Variants in PRKAR1B observed in about 807,000 individuals in gnomAD.
The protein encoded by PRKAR1B is cAMP-dependent protein kinase type I-beta regulatory subunit.
In PRKAR1B, 22 loss-of-function variants were observed where a neutral mutation model predicts 46.5. The observed-to-expected ratio is 0.47, with a 90% CI of 0.34 to 0.68. The LOEUF (loss-of-function observed/expected upper bound fraction) is 0.68. PRKAR1B is among the 30% of genes least tolerant of loss of function. The pLI is 0.01. For synonymous variants in PRKAR1B, 259 were observed against 217.7 expected (o/e 1.19, Z -1.67); for missense variants, 445 against 535.6 (o/e 0.83, Z 1.67).
chr7:588,063 G>A (rs1017157666), intron 7 of PRKAR1B, among the ~76,000 whole-genome samples: 4 of 152,162 alleles, frequency 2.6e-5, no homozygotes, highest in African/African-American at 7.2e-5. Context: ...TTCCGGTAGC[G>A]TGGCCCTCCC....
At chr7:571,448 G>A (rs535285254) in intron 9 of PRKAR1B, among the ~76,000 whole-genome samples, 3 of 152,240 alleles carry the variant, frequency 2.0e-5, no homozygotes, top group Non-Finnish European at 4.4e-5. Flanking sequence ...GCGGGGCTCT[G>A]ATGAGCCAGG....
intron 6 of PRKAR1B, among the ~76,000 whole-genome samples, chr7:597,555 G>A (rs143545046): frequency 0.023 from 3,429 of 152,300 alleles, 114 homozygotes; most frequent in African/African-American, 0.076. Flanking sequence ...GAAGACGGCC[G>A]TCCTTCCACG....
chr7:684,534 C>A lies in PRKAR1B; in HGVS notation c.178-3808G>T, dbSNP rs140786009. On this transcript the variant is annotated intron_variant, in intron 2 of 10. Coordinates refer to ENST00000537384, the MANE Select transcript of PRKAR1B (RefSeq NM_001164760.2). ...TGGAATTTGACATTCAGACGAAGTACGCAGCAGCCCGGGGTATGTGAAGCA... is the reference window on the plus strand; with the variant it reads ...TGGAATTTGACATTCAGACGAAGTAAGCAGCAGCCCGGGGTATGTGAAGCA... Among the ~76,000 whole-genome samples the A allele has an allele frequency of 1.7e-3, 256 of 152,264 alleles. 1 individual carries two copies. The highest frequency in any genetic ancestry group is 5.9e-3 in the African/African-American group (244 of 41,556).
chr7:550,179 T>G lies in PRKAR1B; in HGVS notation c.*251A>C. The G allele has an allele frequency of 2.1e-6, 1 of 483,602 alleles. No individual in the cohort carries two copies. The highest frequency in any genetic ancestry group is 3.7e-6 in the Non-Finnish European group (1 of 267,620). The allele number at this position is 483,602 out of a possible 1,614,324, so 30.0% of individuals were successfully genotyped here. On this transcript the variant is annotated 3_prime_UTR_variant, in exon 11 of 11. Coordinates refer to ENST00000537384, the MANE Select transcript of PRKAR1B (RefSeq NM_001164760.2). ...GCCCACAGAGGCAGCCGGGGAGGCG[T>G]GTGGGGAGGAAGCTGGCCTGTCCCT...
At chr7:678,945 A>G (rs1332631453) in intron 3 of PRKAR1B, among the ~76,000 whole-genome samples, 1 of 152,050 alleles carries the variant, frequency 6.6e-6, no homozygotes. Context: ...AAAATTAGCC[A>G]GGCATGATGA....
At chr7:674,303 C>A (rs1786458279) in intron 4 of PRKAR1B, among the ~76,000 whole-genome samples, 1 of 151,770 alleles carries the variant, frequency 6.6e-6, no homozygotes, top group African/African-American at 2.4e-5. Flanking sequence ...TCTAGTCATG[C>A]CCAGCAACTC....
intron 7 of PRKAR1B, among the ~76,000 whole-genome samples, chr7:585,544 G>A (rs562377140): frequency 4.6e-5 from 7 of 152,226 alleles, no homozygotes; most frequent in African/African-American, 1.2e-4. Flanking sequence ...ACCGAGAGAC[G>A]ACATGCTAGT....
upstream of PRKAR1B, chr7:727,444 C>T (rs1464880774): frequency 4.4e-5 from 17 of 382,238 alleles, no homozygotes; most frequent in African/African-American, 3.4e-4. Context: ...CCCAACATCC[C>T]GGACCCCCCA....
intron 6 of PRKAR1B, among the ~76,000 whole-genome samples, chr7:605,659 C>G (rs1189197490): frequency 6.6e-6 from 1 of 152,196 alleles, no homozygotes; most frequent in African/African-American, 2.4e-5. Context: ...ATAAAAGATG[C>G]TCTTGAGACA....
At chr7:698,454 G>A (rs994789393) in intron 2 of PRKAR1B, among the ~76,000 whole-genome samples, 1 of 151,994 alleles carries the variant, frequency 6.6e-6, no homozygotes, top group Non-Finnish European at 1.5e-5. Flanking sequence ...AAGTACGTGT[G>A]CGTGTGTGCA....
At position 599,098 on chromosome 7, in the gene PRKAR1B, G is replaced by A. The variant is rs763544620; in HGVS notation, c.550-2794C>T. 8.3e-4 allele frequency among the ~76,000 whole-genome samples: 126 copies of A among 152,198 alleles called. 1 individual carries two copies. Among genetic ancestry groups the A allele is most frequent in the Non-Finnish European group, 1.2e-3 (83 of 68,026 alleles). The stretch of plus-strand genomic sequence containing the variant: ...CTGGAGAAGCCCAAGGCCTCCGAGA[G>A]CTCCCTCCGCAGCCTCAGAGGAAGC... On this transcript the variant is annotated intron_variant, in intron 6 of 10. Coordinates refer to ENST00000537384, the MANE Select transcript of PRKAR1B (RefSeq NM_001164760.2).
At chr7:660,137 G>C (rs1304881890) in intron 4 of PRKAR1B, among the ~76,000 whole-genome samples, 1 of 151,908 alleles carries the variant, frequency 6.6e-6, no homozygotes, top group African/African-American at 2.4e-5. Flanking sequence ...GTTCCCTCCT[G>C]CAGAGAGGGG....
At chr7:676,948 G>A (rs1778355143) in intron 4 of PRKAR1B, among the ~76,000 whole-genome samples, 1 of 149,046 alleles carries the variant, frequency 6.7e-6, no homozygotes, top group Non-Finnish European at 1.5e-5. Context: ...ACCTCCCGGA[G>A]GGCAAGGAGG....
rs189033213 is a variant in PRKAR1B at position 644,258 on chromosome 7, G to A, written c.440+32971C>T. 6.6e-6 allele frequency among the ~76,000 whole-genome samples: 1 copy of A among 152,252 alleles called. No homozygotes were observed. Among genetic ancestry groups the A allele is most frequent in the East Asian group, 1.9e-4 (1 of 5,178 alleles). ...GAATGACTCCCCTGTTCAAGGCATC[G>A]TTGAAATGTCCGTGATGCTCTTAAA... On this transcript the variant is annotated intron_variant, in intron 4 of 10. Transcript: ENST00000537384. This position sits in a 1 kb window ranked among gnomAD's most constrained non-coding sequence, Gnocchi z 4.9.
chr7:637,394 G>C (rs558775169), intron 4 of PRKAR1B, among the ~76,000 whole-genome samples: 1 of 152,224 alleles, frequency 6.6e-6, no homozygotes, highest in South Asian at 2.1e-4. Context: ...TCCAGCCTGG[G>C]TGAAGGAGTA....
Position 556,103 on chromosome 7 carries a change from T to C in PRKAR1B, c.892-4633A>G, listed in dbSNP as rs1778411137. On this transcript the variant is annotated intron_variant, in intron 9 of 10. Transcript: ENST00000537384. ...TTCAAGGACGCTCGGCTCCTGGCTG[T>C]CTCCAAGCTCCCAGGCACCCCCAGG... 5.3e-5 allele frequency among the ~76,000 whole-genome samples: 8 copies of C among 152,124 alleles called. No individual in the cohort carries two copies. The South Asian group carries it at 1.7e-3, about 32-fold the overall frequency.
intron 8 of PRKAR1B, among the ~76,000 whole-genome samples, chr7:582,414 C>G (rs1029061406): frequency 6.6e-6 from 1 of 152,260 alleles, no homozygotes; most frequent in Non-Finnish European, 1.5e-5. Context: ...GCGGAGACAC[C>G]GCCCCGCCAG....
rs1554303194 is a variant in PRKAR1B, at chr7:685,353, C to CT, written c.178-4628_178-4627insA. 7.8e-4 allele frequency among the ~76,000 whole-genome samples: 38 copies of CT among 48,928 alleles called. 1 individual carries two copies. Among genetic ancestry groups the CT allele is most frequent in the African/African-American group, 3.4e-3 (38 of 11,302 alleles). The allele number at this position is 48,928 out of a possible 152,430, so 32.1% of individuals were successfully genotyped here. A position where few individuals can be genotyped will look rare whatever the true frequency, so the allele number is the denominator to read the frequency against. On this transcript the variant is annotated intron_variant, in intron 2 of 10. Coordinates refer to ENST00000537384, the MANE Select transcript of PRKAR1B (RefSeq NM_001164760.2). ...GTATATATACGTATATATATGTATA[C>CT]ATATATATATACACATATATATATA...
At chr7:641,447 C>G (rs565266424) in intron 4 of PRKAR1B, among the ~76,000 whole-genome samples, 1 of 152,246 alleles carries the variant, frequency 6.6e-6, no homozygotes, top group Admixed American at 6.5e-5. Context: ...AGCAAACAAC[C>G]CAGATGACGC....
Sources: allele counts gnomAD v4.1 joint callset (sites outside exome capture counted in the v4.1 genomes callset), GRCh38; gene constraint gnomAD v4.1.1; non-coding constraint Gnocchi (gnomAD v3.1); transcripts MANE v1.5; gene names NCBI Gene and HGNC (gene_info 2026-07-23, HGNC 2026-07-21).